NLGN1: variants seen among roughly 807,000 people sequenced by gnomAD.
NLGN1 encodes the protein neuroligin 1.
NLGN1 carries 12 observed loss-of-function variants against 65.5 expected under a neutral mutation model. The observed-to-expected ratio is 0.18, with a 90% CI of 0.12 to 0.30. The LOEUF (loss-of-function observed/expected upper bound fraction) is 0.30. NLGN1 is among the 10% of genes least tolerant of loss of function. NLGN1 has a pLI of 1.00. For missense variants in NLGN1, 750 were observed against 1,007.1 expected (o/e 0.74, Z 3.46); for synonymous variants, 350 against 359.5 (o/e 0.97, Z 0.30).
chr3:173,426,481 C>A (rs948798945), intron 1 of NLGN1, among the ~76,000 whole-genome samples: 1 of 152,072 alleles, frequency 6.6e-6, no homozygotes, highest in African/African-American at 2.4e-5. Flanking sequence ...TCATATACAG[C>A]CTTTAATGTT....
At chr3:173,893,322 G>A (rs919706599) in intron 4 of NLGN1, among the ~76,000 whole-genome samples, 5 of 152,082 alleles carry the variant, frequency 3.3e-5, no homozygotes, top group African/African-American at 4.8e-5. Flanking sequence ...CAGTCACCGA[G>A]GTTTAGATTT....
intron 3 of NLGN1, among the ~76,000 whole-genome samples, chr3:173,804,963 T>C (rs1394535103): frequency 6.6e-6 from 1 of 152,028 alleles, no homozygotes; most frequent in African/African-American, 2.4e-5. Flanking sequence ...GAGGTGGAGG[T>C]TGCAATGAGT....
chr3:174,289,669 T>G (rs1752502578), downstream of NLGN1, among the ~76,000 whole-genome samples: 2 of 151,040 alleles, frequency 1.3e-5, no homozygotes, highest in South Asian at 2.1e-4. Flanking sequence ...GCCAGTCAAG[T>G]GTTGTCTTAA....
chr3:174,046,831 A>G (rs1268439433), intron 4 of NLGN1, among the ~76,000 whole-genome samples: 1 of 152,052 alleles, frequency 6.6e-6, no homozygotes, highest in Non-Finnish European at 1.5e-5. Context: ...TTCCTTAATT[A>G]TATTTAGTGC....
At chr3:173,691,423 T>A (rs887007908) in intron 3 of NLGN1, among the ~76,000 whole-genome samples, 26 of 152,176 alleles carry the variant, frequency 1.7e-4, no homozygotes, top group African/African-American at 6.3e-4. Context: ...AAAGATTTTC[T>A]AAAATACAGT....
At chr3:173,412,449 G>A (rs1474473032) in intron 1 of NLGN1, among the ~76,000 whole-genome samples, 5 of 151,908 alleles carry the variant, frequency 3.3e-5, no homozygotes, top group Non-Finnish European at 7.4e-5. Context: ...ATAGGGTTGA[G>A]AGAATTAAAA....
intron 1 of NLGN1, among the ~76,000 whole-genome samples, chr3:173,426,343 C>G (rs543166554): frequency 7.2e-5 from 11 of 151,932 alleles, no homozygotes; most frequent in African/African-American, 2.7e-4. Context: ...TACCTAATTG[C>G]TCTAGCTAAG....
At chr3:173,775,744 A>G (rs538998724) in intron 3 of NLGN1, among the ~76,000 whole-genome samples, 7 of 152,280 alleles carry the variant, frequency 4.6e-5, no homozygotes, top group African/African-American at 1.7e-4. Flanking sequence ...TAAAAACAAT[A>G]ATGCATTAAT....
At chr3:173,841,620 T>C (rs1724795676) in intron 4 of NLGN1, among the ~76,000 whole-genome samples, 1 of 152,122 alleles carries the variant, frequency 6.6e-6, no homozygotes, top group African/African-American at 2.4e-5. Flanking sequence ...AGCTGAAGTC[T>C]CAGTAGCAAA....
chr3:173,463,036 G>A (rs1217282758), intron 2 of NLGN1, among the ~76,000 whole-genome samples: 2 of 151,978 alleles, frequency 1.3e-5, no homozygotes, highest in Admixed American at 6.6e-5. Flanking sequence ...TATAGGAGAG[G>A]CAGGATCTCC....
At chr3:173,772,498 A>T (rs986294870) in intron 3 of NLGN1, among the ~76,000 whole-genome samples, 1 of 151,972 alleles carries the variant, frequency 6.6e-6, no homozygotes, top group Non-Finnish European at 1.5e-5. Context: ...GGCACCCATA[A>T]TCCCAGGTAC....
intron 3 of NLGN1, among the ~76,000 whole-genome samples, chr3:173,704,451 T>G (rs1157619427): frequency 1.3e-5 from 2 of 152,160 alleles, no homozygotes; most frequent in Non-Finnish European, 2.9e-5. Context: ...ATAGAGACAC[T>G]TTTCAAAAGT....
chr3:174,153,772 C>T (rs567100638), intron 4 of NLGN1, among the ~76,000 whole-genome samples: 7 of 152,098 alleles, frequency 4.6e-5, no homozygotes, highest in South Asian at 2.1e-4. Context: ...GTGGGAGGAG[C>T]GCCTAAGCCC....
At chr3:174,218,549 A>G (rs1251474922) in intron 4 of NLGN1, among the ~76,000 whole-genome samples, 1 of 152,020 alleles carries the variant, frequency 6.6e-6, no homozygotes, top group African/African-American at 2.4e-5. Context: ...ACCTCACCTC[A>G]TAATGGTATT....
chr3:174,173,990 C>G (rs747512231), intron 4 of NLGN1, among the ~76,000 whole-genome samples: 1 of 151,980 alleles, frequency 6.6e-6, no homozygotes, highest in Non-Finnish European at 1.5e-5. Flanking sequence ...CACTCTTTCA[C>G]CCTGGGTCCC....
At chr3:173,611,700 GAAC>G (rs1407119302) in intron 3 of NLGN1, among the ~76,000 whole-genome samples, 10 of 152,026 alleles carry the variant, frequency 6.6e-5, no homozygotes, top group Non-Finnish European at 1.2e-4. Flanking sequence ...AGTTTTAAAA[GAAC>G]AACATCAGTT....
intron 4 of NLGN1, among the ~76,000 whole-genome samples, chr3:173,842,563 A>G (rs976337186): frequency 3.3e-5 from 5 of 152,222 alleles, no homozygotes; most frequent in African/African-American, 1.2e-4. Context: ...GAAATTGGCC[A>G]AAACAAAGGA....
At chr3:173,584,249 A>G (rs116673180) in intron 2 of NLGN1, among the ~76,000 whole-genome samples, 1,925 of 151,458 alleles carry the variant, frequency 0.013, 41 homozygotes, top group African/African-American at 0.045. Flanking sequence ...AGAAAGAAAA[A>G]AAAAAAAAAA....
At chr3:173,513,702 C>T (rs1484956633) in intron 2 of NLGN1, among the ~76,000 whole-genome samples, 1 of 152,094 alleles carries the variant, frequency 6.6e-6, no homozygotes, top group Non-Finnish European at 1.5e-5. Flanking sequence ...TATGTTCTCA[C>T]TGTTTGGTGA....
Sources: gnomAD v4.1 joint callset for allele counts (sites outside exome capture counted in the v4.1 genomes callset) on GRCh38, gnomAD v4.1.1 for gene constraint, MANE v1.5 for transcripts, NCBI Gene and HGNC (gene_info 2026-07-23, HGNC 2026-07-21) for gene names.